The following KSR2 variants were observed in gnomAD, a reference collection of about 807,000 sequenced individuals.
KSR2 encodes the protein kinase suppressor of ras 2.
Under a neutral mutation model 107.8 loss-of-function variants are expected in KSR2, and 25 were observed. The observed-to-expected ratio is 0.23, with a 90% CI of 0.17 to 0.32. The LOEUF (loss-of-function observed/expected upper bound fraction) is 0.32. Among genes scored for constraint, KSR2 ranks in the 10% least tolerant of loss-of-function variants. The pLI, the probability that KSR2 is intolerant of heterozygous loss-of-function variation, is 1.00. For missense variants in KSR2, 887 were observed against 1,268.9 expected, an observed-to-expected ratio of 0.70 and a Z score of 4.57; for synonymous variants, 480 against 507.0, an observed-to-expected ratio of 0.95 and a Z score of 0.71.
chr12:117,655,680 C>T (rs748978809), intron 5 of KSR2, among the ~76,000 whole-genome samples: 9 of 152,278 alleles, frequency 5.9e-5, no homozygotes, highest in South Asian at 2.1e-4. Flanking sequence ...GGAGACACAA[C>T]GATTCCACTA....
chr12:117,916,343 G>A (rs1341221117), intron 1 of KSR2, among the ~76,000 whole-genome samples: 1 of 151,708 alleles, frequency 6.6e-6, no homozygotes, highest in Admixed American at 6.6e-5. Flanking sequence ...CACTATGTTG[G>A]GCAGGCTGGT....
chr12:117,706,149 T>C (rs1187361678), intron 4 of KSR2, among the ~76,000 whole-genome samples: 1 of 147,310 alleles, frequency 6.8e-6, no homozygotes, highest in East Asian at 2.2e-4. Context: ...GTTCAAACAA[T>C]TCTCCTGCCT....
At chr12:117,671,955 A>G (rs940405900) in intron 4 of KSR2, among the ~76,000 whole-genome samples, 2 of 152,152 alleles carry the variant, frequency 1.3e-5, no homozygotes, top group African/African-American at 2.4e-5. Context: ...TAAAAGCCCC[A>G]CTGTGAAGGA....
intron 16 of KSR2, 66 bp downstream of exon 16, chr12:117,484,350 A>G: frequency 6.3e-7 from 1 of 1,583,866 alleles, no homozygotes; most frequent in Non-Finnish European, 8.6e-7. Flanking sequence ...AGCCATTTGG[A>G]CTAACTTCCC....
intron 3 of KSR2, among the ~76,000 whole-genome samples, chr12:117,805,780 G>A (rs563169052): frequency 3.9e-5 from 6 of 152,156 alleles, no homozygotes; most frequent in Non-Finnish European, 7.3e-5. Context: ...TCGGGAGTTC[G>A]AGACCAGCCT....
chr12:117,694,845 C>CTTGT (rs1885981967), intron 4 of KSR2, among the ~76,000 whole-genome samples: 1 of 99,096 alleles, frequency 1.0e-5, no homozygotes, highest in African/African-American at 3.8e-5. Context: ...TTGTATGATT[C>CTTGT]TTTTTTTTTT....
Position 117,708,891 on chromosome 12 carries a change from G to A in KSR2, c.987-41233C>T, listed in dbSNP as rs1468838056. ...ACGGCTTAAAACCACACATATTTAT[G>A]ACCTTATAGTTCTAGAAGTTAGAAG... On this transcript the variant is annotated intron_variant, in intron 4 of 19. Coordinates refer to ENST00000339824, the MANE Select transcript of KSR2 (RefSeq NM_173598.6). Among the ~76,000 whole-genome samples the A allele has an allele frequency of 5.3e-5, 8 of 152,132 alleles. No individual in the cohort carries two copies. In the East Asian group the frequency reaches 1.3e-3, roughly 26 times the overall value.
At chr12:117,707,251 G>C (rs1886563986) in intron 4 of KSR2, among the ~76,000 whole-genome samples, 1 of 152,128 alleles carries the variant, frequency 6.6e-6, no homozygotes, top group Non-Finnish European at 1.5e-5. Context: ...AGGGATGGGG[G>C]TAAAATAGGA....
At position 117,473,822 on chromosome 12, in the gene KSR2, C is replaced by T. The variant is rs1195392933; in HGVS notation, c.2583-2502G>A. ...CTCCAACTCTAGAGTACAGGATATT[C>T]CAGGTGAATCTCAGCACCATCATTC... On this transcript the variant is annotated intron_variant, in intron 17 of 19. Coordinates refer to ENST00000339824, the MANE Select transcript of KSR2 (RefSeq NM_173598.6). Among the ~76,000 whole-genome samples the T allele has an allele frequency of 3.9e-5, 6 of 152,240 alleles. No homozygotes were observed. In the East Asian group the frequency reaches 9.6e-4, roughly 24 times the overall value.
chr12:117,577,851 C>A (rs1029220225), intron 7 of KSR2, among the ~76,000 whole-genome samples: 1 of 152,196 alleles, frequency 6.6e-6, no homozygotes, highest in Non-Finnish European at 1.5e-5. Flanking sequence ...GGTGGGGACA[C>A]AGCCAGACCA....
At chr12:117,913,989 G>C (rs1454229473) in intron 1 of KSR2, among the ~76,000 whole-genome samples, 1 of 152,162 alleles carries the variant, frequency 6.6e-6, no homozygotes, top group African/African-American at 2.4e-5. Context: ...TGGGGCAACT[G>C]GCTCCAGAAG....
intron 4 of KSR2, 91 bp from the exon 5 acceptor site, chr12:117,667,749 G>A: frequency 8.9e-7 from 1 of 1,119,312 alleles, no homozygotes; most frequent in Non-Finnish European, 1.2e-6. Context: ...TTTCCCATGA[G>A]GGGTCCAAAA....
intron 1 of KSR2, among the ~76,000 whole-genome samples, chr12:117,919,138 A>AAAAT (rs968867686): frequency 3.3e-5 from 5 of 152,308 alleles, no homozygotes; most frequent in East Asian, 3.9e-4. Context: ...ACCTCATTTC[A>AAAAT]AAATAAATAA....
intron 3 of KSR2, among the ~76,000 whole-genome samples, chr12:117,854,805 C>G (rs1893045074): frequency 7.2e-5 from 11 of 151,812 alleles, no homozygotes. Flanking sequence ...TGGAAAAGAT[C>G]CAGGAGGGAT....
Position 117,569,607 on chromosome 12 carries a change from C to CT in KSR2, c.1325+9511dup, listed in dbSNP as rs1878745589. Among the ~76,000 whole-genome samples, 4 of 152,262 alleles carry CT rather than the reference C, an allele frequency of 2.6e-5. No individual in the cohort carries two copies. The South Asian group carries it at 8.3e-4, about 32-fold the overall frequency. ...TGGAACATAGGAACATATAAAATGT[C>CT]TTTAGTTAGTAAAGACCTACGTCTA... On this transcript the variant is annotated intron_variant, in intron 7 of 19. Coordinates refer to ENST00000339824, the MANE Select transcript of KSR2 (RefSeq NM_173598.6).
chr12:117,565,944 C>T (rs1020132324), intron 7 of KSR2, among the ~76,000 whole-genome samples: 2 of 152,202 alleles, frequency 1.3e-5, no homozygotes, highest in Middle Eastern at 3.4e-3. Context: ...TACTTTTCCC[C>T]CCAGTATTTT....
chr12:117,656,070 A>C (rs551266025), intron 5 of KSR2, among the ~76,000 whole-genome samples: 105 of 152,344 alleles, frequency 6.9e-4, no homozygotes, highest in Admixed American at 1.1e-3. Flanking sequence ...GGTAGTCATC[A>C]ATACTAGCTA....
chr12:117,496,052 CAAAAAA>C (rs33974181), intron 14 of KSR2, among the ~76,000 whole-genome samples: 2 of 113,178 alleles, frequency 1.8e-5, no homozygotes, highest in Admixed American at 9.2e-5. Flanking sequence ...GACTCCGTCT[CAAAAAA>C]AAAAAAAAAA....
At chr12:117,590,255 C>T (rs918892426) in intron 5 of KSR2, among the ~76,000 whole-genome samples, 11 of 152,198 alleles carry the variant, frequency 7.2e-5, no homozygotes, top group Non-Finnish European at 1.6e-4. Flanking sequence ...TGAGTGTGGA[C>T]CTCCTCTGGA....
Sources: allele counts gnomAD v4.1 joint callset (sites outside exome capture counted in the v4.1 genomes callset), GRCh38; gene constraint gnomAD v4.1.1; transcripts MANE v1.5; gene names NCBI Gene and HGNC (gene_info 2026-07-23, HGNC 2026-07-21).